ANK1: variants seen among roughly 807,000 people sequenced by gnomAD.
ANK1 encodes the protein ankyrin 1.
In ANK1, 51 loss-of-function variants were observed where a neutral mutation model predicts 210.4. That is an observed-to-expected ratio of 0.24 (90% CI 0.19 to 0.31). The LOEUF (loss-of-function observed/expected upper bound fraction) is 0.31, where lower values mean the gene tolerates loss of function less well. Among genes scored for constraint, ANK1 ranks in the 10% least tolerant of loss-of-function variants. The pLI, the probability that ANK1 is intolerant of heterozygous loss-of-function variation, is 1.00. For synonymous variants in ANK1, 967 were observed against 1,025.9 expected (o/e 0.94, Z 1.10); for missense variants, 2,051 against 2,504.4 (o/e 0.82, Z 3.86).
At chr8:41,815,103 C>T (rs894998820) in intron 1 of ANK1, among the ~76,000 whole-genome samples, 1 of 152,024 alleles carries the variant, frequency 6.6e-6, no homozygotes, top group Non-Finnish European at 1.5e-5. Context: ...GATCACAGAT[C>T]ATTATGAAGT....
chr8:41,838,685 A>C (rs1406944262), intron 1 of ANK1, among the ~76,000 whole-genome samples: 1 of 151,768 alleles, frequency 6.6e-6, no homozygotes, highest in Non-Finnish European at 1.5e-5. Flanking sequence ...GAATCGCTTG[A>C]ACCCGGGAGG....
At chr8:41,766,622 C>T (rs532176025) in intron 1 of ANK1, among the ~76,000 whole-genome samples, 1 of 152,314 alleles carries the variant, frequency 6.6e-6, no homozygotes, top group East Asian at 1.9e-4. Context: ...GGAGGCTGGG[C>T]AGGGTGGGCT....
chr8:41,812,731 G>A lies in ANK1; in HGVS notation c.127-54594C>T, dbSNP rs566607385. Among the ~76,000 whole-genome samples the A allele has an allele frequency of 1.2e-4, 18 of 152,274 alleles. No homozygotes were observed. In the East Asian group the frequency reaches 3.1e-3, roughly 26 times the overall value. ...AGTATTTCCACGGACCGGAGGTGGTGGGATGGTTTCAGGATGAAACTGTTC... is the reference window on the plus strand; with the variant it reads ...AGTATTTCCACGGACCGGAGGTGGTAGGATGGTTTCAGGATGAAACTGTTC... On this transcript the variant is annotated intron_variant, in intron 1 of 42. Coordinates refer to the ANK1 transcript ENST00000265709.
chr8:41,760,943 A>G (rs1175813683), intron 1 of ANK1, among the ~76,000 whole-genome samples: 1 of 151,882 alleles, frequency 6.6e-6, no homozygotes, highest in Non-Finnish European at 1.5e-5. Flanking sequence ...GTGCCCCCCA[A>G]AAGATATGTC....
At chr8:41,656,331 G>C (rs1041858708) in intron 42 of ANK1, among the ~76,000 whole-genome samples, 5 of 152,224 alleles carry the variant, frequency 3.3e-5, no homozygotes, top group African/African-American at 1.2e-4. Context: ...AAGGGTGACA[G>C]CTCCCCTTCA....
At chr8:41,748,053 C>A (rs558253062) in intron 2 of ANK1, among the ~76,000 whole-genome samples, 2 of 152,324 alleles carry the variant, frequency 1.3e-5, no homozygotes, top group East Asian at 3.9e-4. Flanking sequence ...CCCAGCCTCC[C>A]TGGTCAAGCA....
At chr8:41,713,546 C>G (rs1563527327) in intron 16 of ANK1, among the ~76,000 whole-genome samples, 1 of 152,250 alleles carries the variant, frequency 6.6e-6, no homozygotes, top group East Asian at 1.9e-4. Context: ...GTCTCACATT[C>G]AGGTGAGCCT....
chr8:41,686,996 C>A (rs2150581333), intron 35 of ANK1, among the ~76,000 whole-genome samples: 1 of 152,296 alleles, frequency 6.6e-6, no homozygotes, highest in South Asian at 2.1e-4. Context: ...CATACACGTG[C>A]ATACACACAT....
Position 41,693,953 on chromosome 8 carries a change from C to T in ANK1, c.3477G>A (p.Pro1159=), listed in dbSNP as rs750771936. 64 of 1,613,926 alleles carry T rather than the reference C, an allele frequency of 4.0e-5. No homozygotes were observed. The South Asian group carries it at 4.7e-4, about 12-fold the overall frequency. ...IPLPPSWTDN[P]RDSGEGDTTS... is the part of the protein sequence containing the mutation. ...TGGTGTCTCCCTCCCCGCTGTCCCT[C>T]GGGTTGTCGGTCCAGGAAGGAGGTA... Residue 1159 remains proline (P), a synonymous_variant, in exon 29 of 43, where the codon CCG becomes CCA. Coordinates refer to ENST00000289734, the MANE Select transcript of ANK1 (RefSeq NM_000037.4).
chr8:41,765,369 C>T (rs1325448128), intron 1 of ANK1, among the ~76,000 whole-genome samples: 1 of 151,534 alleles, frequency 6.6e-6, no homozygotes, highest in Non-Finnish European at 1.5e-5. Flanking sequence ...ACCCCCTTCC[C>T]CCGAATAGCT....
chr8:41,735,861 G>C (rs28620644), intron 2 of ANK1, among the ~76,000 whole-genome samples: 12 of 152,130 alleles, frequency 7.9e-5, no homozygotes, highest in Non-Finnish European at 1.2e-4. Flanking sequence ...AAATGAGAAG[G>C]GGGGCTGCAA....
chr8:41,894,774 G>A (rs981246108), intron 1 of ANK1, among the ~76,000 whole-genome samples: 2 of 151,892 alleles, frequency 1.3e-5, no homozygotes, highest in Non-Finnish European at 2.9e-5. Context: ...GCATCGCAGC[G>A]TAGAGCCAGA....
intron 37 of ANK1, among the ~76,000 whole-genome samples, chr8:41,676,297 G>A (rs1814138650): frequency 6.6e-6 from 1 of 152,126 alleles, no homozygotes; most frequent in Non-Finnish European, 1.5e-5. Context: ...GTATGTGGTG[G>A]TACCTCCTTA....
At chr8:41,805,431 G>A (rs772353897) in intron 1 of ANK1, among the ~76,000 whole-genome samples, 36 of 151,922 alleles carry the variant, frequency 2.4e-4, no homozygotes, top group Non-Finnish European at 4.1e-4. Context: ...AGTTTTTGTA[G>A]AGACAGGATC....
At chr8:41,664,261 C>T in intron 39 of ANK1, 1 of 432,264 alleles carries the variant, frequency 2.3e-6, no homozygotes, top group Non-Finnish European at 4.6e-6. Context: ...CACTTGAGCC[C>T]AGGAGTTCAA....
chr8:41,837,586 T>C (rs1425815615), intron 1 of ANK1, among the ~76,000 whole-genome samples: 1 of 152,178 alleles, frequency 6.6e-6, no homozygotes, highest in East Asian at 1.9e-4. Flanking sequence ...AAAGTGTTGA[T>C]TTAGGCCAGG....
intron 1 of ANK1, among the ~76,000 whole-genome samples, chr8:41,871,806 C>A (rs371483114): frequency 6.6e-6 from 1 of 152,330 alleles, no homozygotes; most frequent in East Asian, 1.9e-4. Context: ...AGAAAACCTG[C>A]GTGTGAAATA....
At chr8:41,857,026 G>A (rs62508233) in intron 1 of ANK1, among the ~76,000 whole-genome samples, 51,182 of 151,042 alleles carry the variant, frequency 0.34, 8,814 homozygotes, top group African/African-American at 0.39. Flanking sequence ...TTACAGATGC[G>A]CACCACCATG....
chr8:41,705,311 G>A (rs377394935), intron 18 of ANK1, among the ~76,000 whole-genome samples: 1 of 152,176 alleles, frequency 6.6e-6, no homozygotes, highest in Non-Finnish European at 1.5e-5. Context: ...CACAGGACAG[G>A]GTCTCTCTGT....
Sources: gnomAD v4.1 joint callset for allele counts (sites outside exome capture counted in the v4.1 genomes callset) on GRCh38, gnomAD v4.1.1 for gene constraint, MANE v1.5 for transcripts, NCBI Gene and HGNC (gene_info 2026-07-23, HGNC 2026-07-21) for gene names.